OTOG: variants seen among roughly 807,000 people sequenced by gnomAD.
OTOG encodes the protein otogelin.
In OTOG, 296 loss-of-function variants were observed where a neutral mutation model predicts 313.8. The observed-to-expected ratio is 0.94, with a 90% CI of 0.86 to 1.04. The LOEUF is 1.04. OTOG is among the 50% of genes least tolerant of loss of function. OTOG has a pLI of 0.00. For synonymous variants in OTOG, 1,533 were observed against 1,554.9 expected, an observed-to-expected ratio of 0.99 and a Z score of 0.33; for missense variants, 3,948 against 3,840.1, an observed-to-expected ratio of 1.03 and a Z score of -0.74.
At chr11:17,621,085 G>A (rs543879750) in intron 39 of OTOG, among the ~76,000 whole-genome samples, 7 of 152,214 alleles carry the variant, frequency 4.6e-5, no homozygotes, top group Admixed American at 6.5e-5. Flanking sequence ...AGTCAGTTCT[G>A]ATTGATTTTT....
At chr11:17,612,544 A>G in intron 37 of OTOG, 76 bp from the exon 38 acceptor site, 1 of 1,478,614 alleles carries the variant, frequency 6.8e-7, no homozygotes, top group Non-Finnish European at 9.0e-7. Flanking sequence ...AGGGCCAGGA[A>G]CCTGCCCCAT....
intron 39 of OTOG, among the ~76,000 whole-genome samples, chr11:17,617,622 T>A (rs936353147): frequency 3.9e-5 from 6 of 152,234 alleles, no homozygotes; most frequent in Admixed American, 3.3e-4. Flanking sequence ...CTTGCTATAC[T>A]TTTAATTTCT....
intron 15 of OTOG, among the ~76,000 whole-genome samples, chr11:17,565,130 T>TAA (rs2134016040): frequency 6.6e-6 from 1 of 152,336 alleles, no homozygotes; most frequent in South Asian, 2.1e-4. Context: ...TATAGTTTTT[T>TAA]ACCTAATGTC....
At chr11:17,564,257 G>A (rs1055303101) in intron 15 of OTOG, among the ~76,000 whole-genome samples, 1 of 152,176 alleles carries the variant, frequency 6.6e-6, no homozygotes, top group African/African-American at 2.4e-5. Flanking sequence ...GGAGGTCAGC[G>A]TGTCCTCAGA....
intron 34 of OTOG, among the ~76,000 whole-genome samples, chr11:17,608,679 G>A (rs1398054280): frequency 6.6e-6 from 1 of 152,194 alleles, no homozygotes; most frequent in Admixed American, 6.5e-5. Context: ...ATGTATGCAG[G>A]TGTTGTGTGC....
At chr11:17,598,529 A>G (rs1229687097) in intron 30 of OTOG, among the ~76,000 whole-genome samples, 1 of 152,214 alleles carries the variant, frequency 6.6e-6, no homozygotes, top group Non-Finnish European at 1.5e-5. Flanking sequence ...CACATCCAAG[A>G]TGAGCACTTT....
intron 6 of OTOG, among the ~76,000 whole-genome samples, chr11:17,554,082 A>G (rs1035952353): frequency 3.9e-5 from 6 of 152,160 alleles, no homozygotes; most frequent in East Asian, 3.9e-4. Flanking sequence ...ACTTGAGAAC[A>G]TTCTGGGGAA....
chr11:17,606,460 C>T (rs888248926), intron 33 of OTOG, among the ~76,000 whole-genome samples: 2 of 152,224 alleles, frequency 1.3e-5, no homozygotes, highest in African/African-American at 2.4e-5. Context: ...CATGCGTAGC[C>T]GCTGGCTCAG....
At chr11:17,565,179 A>T (rs1379301271) in intron 15 of OTOG, among the ~76,000 whole-genome samples, 1 of 152,180 alleles carries the variant, frequency 6.6e-6, no homozygotes. Flanking sequence ...TATAGTCATC[A>T]TGTCTCCTTA....
intron 23 of OTOG, among the ~76,000 whole-genome samples, chr11:17,579,271 G>T (rs1287005982): frequency 1.3e-5 from 2 of 152,216 alleles, no homozygotes; most frequent in Non-Finnish European, 2.9e-5. Context: ...CTAGGGAAAT[G>T]ACATGGGGGT....
rs1304160501 is a variant in OTOG at position 17,611,221 on chromosome 11, C to T, written c.5921C>T (p.Ala1974Val). Reference sequence around the variant, plus strand: ...CTGAGCCGTGTCTCAGCCAGGACGGCCCCCCAAGACAGCATGCTGGTTCTG... The same window carrying T: ...CTGAGCCGTGTCTCAGCCAGGACGGTCCCCCAAGACAGCATGCTGGTTCTG... ...YALSRVSART[A>V]PQDSMLVLLP... The change falls in exon 36 of 56, where the codon GCC becomes GTC. Residue 1974 changes from alanine to valine, a missense_variant. Transcript: ENST00000399397. 6.4e-7 allele frequency: 1 copy of T among 1,550,488 alleles called. No homozygotes were observed. Among genetic ancestry groups the T allele is most frequent in the East Asian group, 2.4e-5 (1 of 40,906 alleles).
At chr11:17,608,136 C>A (rs1253274803) in intron 33 of OTOG, among the ~76,000 whole-genome samples, 160 bp from the exon 34 acceptor site, 1 of 152,124 alleles carries the variant, frequency 6.6e-6, no homozygotes, top group Non-Finnish European at 1.5e-5. Context: ...TCACCCCAAC[C>A]ACCATGAACG....
intron 24 of OTOG, among the ~76,000 whole-genome samples, chr11:17,587,564 A>C (rs1852826618): frequency 6.6e-6 from 1 of 152,158 alleles, no homozygotes; most frequent in Non-Finnish European, 1.5e-5. Flanking sequence ...TCCCTGTCCC[A>C]TGCTGGGACT....
Position 17,570,290 on chromosome 11 carries a change from C to G in OTOG, c.1855C>G (p.Arg619Gly), listed in dbSNP as rs909124808. Residue 619 changes from arginine to glycine, a missense_variant, in exon 17 of 56, where the codon CGT becomes GGT. Coordinates refer to ENST00000399397, the MANE Select transcript of OTOG (RefSeq NM_001292063.2). ...TNVGVRVLYD[R>G]EGLRLYLQVD... ...CGTGGGCGTGCGGGTGCTCTACGAC[C>G]GTGAAGGGCTCCGACTGTACCTGCA... 6.4e-7 allele frequency: 1 copy of G among 1,550,670 alleles called. No homozygotes were observed. The highest frequency in any genetic ancestry group is 1.4e-5 in the African/African-American group (1 of 73,032).
intron 39 of OTOG, among the ~76,000 whole-genome samples, chr11:17,627,094 T>A (rs183470253): frequency 6.6e-6 from 1 of 152,346 alleles, no homozygotes; most frequent in Non-Finnish European, 1.5e-5. Flanking sequence ...CCATTCCAAT[T>A]TCAATGCCCT....
At chr11:17,578,075 T>A (rs1370909902) in intron 22 of OTOG, among the ~76,000 whole-genome samples, 1 of 152,078 alleles carries the variant, frequency 6.6e-6, no homozygotes, top group Non-Finnish European at 1.5e-5. Flanking sequence ...CAATAATACT[T>A]CCTAGAGTTG....
At chr11:17,624,245 G>A (rs1038151193) in intron 39 of OTOG, among the ~76,000 whole-genome samples, 3 of 152,148 alleles carry the variant, frequency 2.0e-5, no homozygotes, top group Admixed American at 2.0e-4. Context: ...TGTCCAGAAT[G>A]GTATTGCCTA....
chr11:17,611,259 G>T lies in OTOG; in HGVS notation c.5959G>T (p.Ala1987Ser). 6.4e-7 allele frequency: 1 copy of T among 1,550,450 alleles called. No individual in the cohort carries two copies. Among genetic ancestry groups the T allele is most frequent in the Middle Eastern group, 1.7e-4 (1 of 5,990 alleles). The change falls in exon 36 of 56, where the codon GCT becomes TCT. Residue 1987 changes from alanine to serine, a missense_variant. Physicochemically the swap from Ala to Ser is moderately conservative, Grantham distance 99. Coordinates refer to ENST00000399397, the MANE Select transcript of OTOG (RefSeq NM_001292063.2). ...CATGCTGGTTCTGTTGCCTCAGCTG[G>T]CTGAGGCCCATGGAACCTCGGCAGG... Reference protein sequence around the residue: ...DSMLVLLPQLAEAHGTSAGPH... With the variant: ...DSMLVLLPQLSEAHGTSAGPH...
At chr11:17,612,892 G>A (rs900341246) in intron 38 of OTOG, 127 bp downstream of exon 38, 2 of 1,202,142 alleles carry the variant, frequency 1.7e-6, no homozygotes, top group Non-Finnish European at 2.3e-6. Context: ...AGCTCCCTCT[G>A]TCTCCAGGAA....
Sources: gnomAD v4.1 joint callset for allele counts (sites outside exome capture counted in the v4.1 genomes callset) on GRCh38, gnomAD v4.1.1 for gene constraint, MANE v1.5 for transcripts, NCBI Gene and HGNC (gene_info 2026-07-23, HGNC 2026-07-21) for gene names.